The following BMI1 variants were observed in gnomAD, a reference collection of about 807,000 sequenced individuals.
BMI1 encodes BMI1 proto-oncogene, polycomb ring finger, also known as polycomb complex protein BMI-1.
A neutral mutation model predicts 39.1 loss-of-function variants in BMI1; 9 were observed. That is an observed-to-expected ratio of 0.23 (90% CI 0.14 to 0.40). The LOEUF (loss-of-function observed/expected upper bound fraction) is 0.40, where lower values mean the gene tolerates loss of function less well. BMI1 is among the 10% of genes least tolerant of loss of function. BMI1 has a pLI of 1.00. For missense variants in BMI1, 252 were observed against 390.8 expected (o/e 0.64, Z 2.99); for synonymous variants, 131 against 127.9 (o/e 1.02, Z -0.16).
In BMI1 at chr10:22,329,109, A is replaced by G; in HGVS notation, c.632A>G (p.Tyr211Cys). 1.2e-6 allele frequency: 2 copies of G among 1,613,102 alleles called. No homozygotes were observed. The highest frequency in any genetic ancestry group is 1.1e-5 in the South Asian group (1 of 90,668). ...TATTATACACTAATGGATATTGCCTACATTTATACCTGGAGAAGGGTAAGT... is the reference window on the plus strand; with the variant it reads ...TATTATACACTAATGGATATTGCCTGCATTTATACCTGGAGAAGGGTAAGT... ...KDYYTLMDIA[Y>C]IYTWRRNGPL... Residue 211 changes from tyrosine (Y) to cysteine (C), a missense_variant, in exon 9 of 10, where the codon TAC (tyrosine) becomes TGC (cysteine). By Grantham distance (194) the Tyr-to-Cys change is radical. Coordinates refer to ENST00000376663, the MANE Select transcript of BMI1 (RefSeq NM_005180.9).
At chr10:22,328,555 A>G in intron 7 of BMI1, 45 bp from the exon 8 acceptor site, 1 of 1,562,502 alleles carries the variant, frequency 6.4e-7, no homozygotes, top group Non-Finnish European at 8.6e-7. Flanking sequence ...CTTTCTTCAT[A>G]TCTTAAAGTA....
chr10:22,321,847 G>C (rs1836007737), intron 1 of BMI1, among the ~76,000 whole-genome samples, 151 bp downstream of exon 1: 1 of 142,928 alleles, frequency 7.0e-6, no homozygotes, highest in African/African-American at 2.5e-5. Flanking sequence ...CCGGCCCCGC[G>C]CCCCGCGCCG....
At position 22,327,575 on chromosome 10, in the gene BMI1, C is replaced by A; in HGVS notation, c.210-20C>A. 2 of 1,578,830 alleles carry A rather than the reference C, an allele frequency of 1.3e-6. No individual in the cohort carries two copies. The highest frequency in any genetic ancestry group is 2.3e-5 in the South Asian group (2 of 85,134). Reference sequence around the variant, plus strand: ...TCTTGCCATCTGAATTCATAGTTTTCTATTTTAATTATTTTTCAGGTCAGA... The same window carrying A: ...TCTTGCCATCTGAATTCATAGTTTTATATTTTAATTATTTTTCAGGTCAGA... On this transcript the variant is annotated intron_variant, in intron 3 of 9. Transcript: ENST00000376663.
intron 8 of BMI1, 145 bp from the exon 9 acceptor site, chr10:22,328,903 T>C: frequency 2.0e-6 from 2 of 1,020,602 alleles, no homozygotes; most frequent in Non-Finnish European, 2.8e-6. Flanking sequence ...AAATAATTTT[T>C]TCTCATTTGA....
Position 22,328,135 on chromosome 10 carries a change from T to C in BMI1, c.427T>C (p.Leu143=), listed in dbSNP as rs564845048. ...LSIEFFDQNR[L]DRKVNKDKEK... ...ACTAATAAATTTTCTCTTTATTAGA[T>C]TGGATCGGAAAGTAAACAAAGACAA... The change falls in exon 7 of 10, where the codon TTG becomes CTG. Residue 143 remains leucine, a splice_region_variant and synonymous_variant. Transcript: ENST00000376663. The C allele has an allele frequency of 6.9e-6, 11 of 1,600,890 alleles. No individual in the cohort carries two copies. Among genetic ancestry groups the C allele is most frequent in the Non-Finnish European group, 9.4e-6 (11 of 1,176,346 alleles).
intron 2 of BMI1, 21 bp from the exon 3 acceptor site, chr10:22,326,869 C>T: frequency 6.2e-7 from 1 of 1,611,042 alleles, no homozygotes; most frequent in South Asian, 1.1e-5. Flanking sequence ...CATAAAAAAA[C>T]TTCACATGTT....
chr10:22,326,559 C>T lies in BMI1; in HGVS notation c.110C>T (p.Ser37Phe), dbSNP rs778504649. 2.5e-6 allele frequency: 4 copies of T among 1,612,226 alleles called. No individual in the cohort carries two copies. Among genetic ancestry groups the T allele is most frequent in the African/African-American group, 1.3e-5 (1 of 74,764 alleles). ...DATTIIECLHSFCKTCIVRYL... is the reference protein window; with the variant it reads ...DATTIIECLHFFCKTCIVRYL... ...ACAACCATAATAGAATGTCTACATT[C>T]CTGTAAGTACCGAGCTTTAGCTCTC... is the stretch of plus-strand genomic sequence containing the variant. Residue 37 changes from serine (S) to phenylalanine (F), a missense_variant and splice_region_variant, in exon 2 of 10, where the codon TCC becomes TTC. Ser to Phe is a radical substitution (Grantham distance 155). Transcript: ENST00000376663.
intron 1 of BMI1, among the ~76,000 whole-genome samples, chr10:22,324,879 A>G (rs1198134461): frequency 6.6e-6 from 1 of 152,238 alleles, no homozygotes. Context: ...TGTTGCTGAC[A>G]GTTCCCCATT....
At chr10:22,328,472 T>C in intron 7 of BMI1, 128 bp from the exon 8 acceptor site, 1 of 879,752 alleles carries the variant, frequency 1.1e-6, no homozygotes, top group Non-Finnish European at 1.7e-6. Context: ...CAGAGTGTAA[T>C]TAGTTGAGAG....
rs1012002059 is a variant in BMI1, at chr10:22,329,690, G to A, written c.*148G>A. The A allele has an allele frequency of 3.4e-6, 3 of 886,232 alleles. No homozygotes were observed. The highest frequency in any genetic ancestry group is 5.0e-6 in the Non-Finnish European group (3 of 598,410). The allele number at this position is 886,232 out of a possible 1,614,324, so 54.9% of individuals were successfully genotyped here. ...ACATTAAATTTGGCTATAAAAGATG[G>A]ACTACATGTGATACTCCTATGGACG... On this transcript the variant is annotated 3_prime_UTR_variant, in exon 10 of 10. Coordinates refer to ENST00000376663, the MANE Select transcript of BMI1 (RefSeq NM_005180.9).
chr10:22,326,164 G>A (rs768833779), intron 1 of BMI1: 5 of 344,642 alleles, frequency 1.5e-5, no homozygotes, highest in Non-Finnish European at 2.7e-5. Flanking sequence ...ACCCTAATAC[G>A]CTCAGCTCCC....
Position 22,328,615 on chromosome 10 carries a change from T to C in BMI1, c.487T>C (p.Tyr163His). Residue 163 changes from tyrosine (Y) to histidine (H), a missense_variant, in exon 8 of 10, where the codon TAC becomes CAC. Physicochemically the swap from Tyr to His is moderately conservative, Grantham distance 83. This residue lies in a region of BMI1 where 67 missense variants were observed against 69.9 expected (regional missense o/e 0.96). Coordinates refer to ENST00000376663, the MANE Select transcript of BMI1 (RefSeq NM_005180.9). ...GTACTTTTAGGTGAATGATAAAAGATACTTACGATGCCCAGCAGCAATGAC... is the reference window on the plus strand; with the variant it reads ...GTACTTTTAGGTGAATGATAAAAGACACTTACGATGCCCAGCAGCAATGAC... ...KSKEEVNDKR[Y>H]LRCPAAMTVM... 6.2e-7 allele frequency: 1 copy of C among 1,601,634 alleles called. No individual in the cohort carries two copies. The highest frequency in any genetic ancestry group is 8.5e-7 in the Non-Finnish European group (1 of 1,175,448).
At chr10:22,323,086 ATATTT>A (rs1378781394) in intron 1 of BMI1, among the ~76,000 whole-genome samples, 1 of 152,234 alleles carries the variant, frequency 6.6e-6, no homozygotes, top group Admixed American at 6.5e-5. Flanking sequence ...AGTTCAACCT[ATATTT>A]TATAGGAACC....
rs1386208893 is a variant in BMI1 at position 22,330,217 on chromosome 10, T to C, written c.*675T>C. 1.3e-5 allele frequency: 2 copies of C among 152,888 alleles called. No individual in the cohort carries two copies. The allele number at this position is 152,888 out of a possible 1,614,324, so 9.5% of individuals were successfully genotyped here. On this transcript the variant is annotated 3_prime_UTR_variant, in exon 10 of 10. Coordinates refer to ENST00000376663, the MANE Select transcript of BMI1 (RefSeq NM_005180.9). ...CTTTTGTAAGAATCAGATGGCATTA[T>C]GCTTGTTGTACAATGCCATATTGGT...
chr10:22,326,620 A>C (rs1220779545), intron 2 of BMI1, 59 bp downstream of exon 2: 1 of 1,579,564 alleles, frequency 6.3e-7, no homozygotes, highest in African/African-American at 1.4e-5. Context: ...TCGACCTGGA[A>C]TTTGAAAACT....
intron 1 of BMI1, among the ~76,000 whole-genome samples, chr10:22,323,960 A>G (rs942752676): frequency 1.3e-5 from 2 of 152,248 alleles, no homozygotes; most frequent in African/African-American, 4.8e-5. Context: ...AGTGGTATTT[A>G]TTAGCATTAT....
Position 22,321,707 on chromosome 10 carries a change from G to A in BMI1, c.-20+11G>A, listed in dbSNP as rs1423691458. ...GGCTGCTCTTTCCGGGTACGTAGGA[G>A]GCGAGGCGCCCCCGGGACGGGGCTG... On this transcript the variant is annotated intron_variant, in intron 1 of 9. Transcript: ENST00000376663. 2 of 150,902 alleles carry A rather than the reference G, an allele frequency of 1.3e-5. No individual in the cohort carries two copies. The highest frequency in any genetic ancestry group is 3.0e-5 in the Non-Finnish European group (2 of 67,520). The allele number at this position is 150,902 out of a possible 1,614,324, so 9.3% of individuals were successfully genotyped here. A position where few individuals can be genotyped will look rare whatever the true frequency, so the allele number is the denominator to read the frequency against.
intron 1 of BMI1, chr10:22,322,107 C>T (rs1036396587): frequency 1.3e-5 from 2 of 151,978 alleles, no homozygotes; most frequent in Admixed American, 6.6e-5. Flanking sequence ...ACATGGCCCC[C>T]GAGAGGAGTA....
intron 1 of BMI1, among the ~76,000 whole-genome samples, chr10:22,324,023 T>C (rs1223326068): frequency 6.6e-6 from 1 of 152,198 alleles, no homozygotes; most frequent in Non-Finnish European, 1.5e-5. Context: ...AGAGGAATTG[T>C]GTGAATTAAG....
Sources: allele counts gnomAD v4.1 joint callset (sites outside exome capture counted in the v4.1 genomes callset), GRCh38; gene constraint gnomAD v4.1.1; regional missense constraint gnomAD v4.1.1; transcripts MANE v1.5; gene names NCBI Gene and HGNC (gene_info 2026-07-23, HGNC 2026-07-21).